Variants in KCNG2 observed in about 807,000 individuals in gnomAD.
KCNG2 encodes the protein potassium voltage-gated channel modifier subfamily G member 2, also known as voltage-gated potassium channel regulatory subunit KCNG2.
In KCNG2, 7 loss-of-function variants were observed where a neutral mutation model predicts 12.3. The observed-to-expected ratio is 0.57, with a 90% CI of 0.32 to 1.07. The LOEUF (loss-of-function observed/expected upper bound fraction) is 1.07, where lower values mean the gene tolerates loss of function less well. Among genes scored for constraint, KCNG2 ranks in the 50% least tolerant of loss-of-function variants. The pLI, the probability that KCNG2 is intolerant of heterozygous loss-of-function variation, is 0.04. For missense variants in KCNG2, 703 were observed against 726.0 expected (o/e 0.97, Z 0.36); for synonymous variants, 414 against 351.4 (o/e 1.18, Z -1.99).
At chr18:79,875,123 A>G (rs570931031) in intron 3 of KCNG2, among the ~76,000 whole-genome samples, 2 of 152,010 alleles carry the variant, frequency 1.3e-5, no homozygotes, top group Non-Finnish European at 2.9e-5. Flanking sequence ...AGAAACCACA[A>G]CCCCTTTTAA....
intron 1 of KCNG2, among the ~76,000 whole-genome samples, chr18:79,810,610 A>T (rs977730677): frequency 6.6e-6 from 1 of 152,260 alleles, no homozygotes; most frequent in South Asian, 2.1e-4. Flanking sequence ...TCTAAAAAAA[A>T]AGAATTAACC....
chr18:79,839,400 C>T (rs1306060590), intron 1 of KCNG2, among the ~76,000 whole-genome samples: 1 of 152,206 alleles, frequency 6.6e-6, no homozygotes, highest in Admixed American at 6.5e-5. Context: ...TAACTGCATA[C>T]CCTGTAGACA....
At chr18:79,798,171 C>G (rs1236035007) in intron 1 of KCNG2, among the ~76,000 whole-genome samples, 157 bp downstream of exon 1, 1 of 139,224 alleles carries the variant, frequency 7.2e-6, no homozygotes, top group Non-Finnish European at 1.5e-5. Context: ...GCGGGAGGGT[C>G]GAAGGGGACC....
chr18:79,804,665 C>T (rs1275533786), intron 1 of KCNG2, among the ~76,000 whole-genome samples: 3 of 152,180 alleles, frequency 2.0e-5, no homozygotes, highest in Non-Finnish European at 1.5e-5. Flanking sequence ...TCATTTCACA[C>T]CAAAGGGAAT....
chr18:79,846,489 CAGAA>C, intron 1 of KCNG2, among the ~76,000 whole-genome samples: 1 of 150,446 alleles, frequency 6.6e-6, no homozygotes, highest in East Asian at 2.0e-4. Flanking sequence ...ATATGTGTAT[CAGAA>C]AGAGATTACA....
At chr18:79,882,672 C>T (rs1980345066) in intron 3 of KCNG2, among the ~76,000 whole-genome samples, 2 of 152,276 alleles carry the variant, frequency 1.3e-5, no homozygotes, top group South Asian at 4.1e-4. Context: ...GAGCAGCAAG[C>T]TCAAAGGAGG....
chr18:79,898,946 G>A, intron 3 of KCNG2, 94 bp from the exon 4 acceptor site: 1 of 944,910 alleles, frequency 1.1e-6, no homozygotes, highest in South Asian at 1.8e-5. Context: ...AGGGTGGCCT[G>A]GGGGACGCCT....
At chr18:79,879,505 C>T (rs987919180) in intron 3 of KCNG2, among the ~76,000 whole-genome samples, 30 of 152,126 alleles carry the variant, frequency 2.0e-4, no homozygotes, top group South Asian at 2.1e-4. Context: ...AAAAAGGAAC[C>T]GAGGGTGAAG....
In KCNG2 at chr18:79,899,418, C is replaced by G; in HGVS notation, c.1003C>G (p.Leu335Val). ...GCTGTTCCTCTGCGTGGCCATGGCG[C>G]TCTTCGCGCCACTGGTGCACCTGGC... ...LLLFLCVAMA[L>V]FAPLVHLAER... Residue 335 changes from leucine (L) to valine (V), a missense_variant, in exon 4 of 4, where the codon CTC becomes GTC. Transcript: ENST00000316249. 1 of 1,587,772 alleles carries G rather than the reference C, an allele frequency of 6.3e-7. No homozygotes were observed.
At chr18:79,874,331 G>A (rs1979980677) in intron 3 of KCNG2, among the ~76,000 whole-genome samples, 1 of 152,250 alleles carries the variant, frequency 6.6e-6, no homozygotes, top group African/African-American at 2.4e-5. Flanking sequence ...ATCTCAGCAA[G>A]AGAGGTTCTG....
At chr18:79,872,287 T>TTTTTTG (rs1555695117) in intron 3 of KCNG2, among the ~76,000 whole-genome samples, 12 of 113,574 alleles carry the variant, frequency 1.1e-4, no homozygotes, top group South Asian at 7.1e-4. Flanking sequence ...TCAGTTTTTT[T>TTTTTTG]TTTTTTTTTT....
At chr18:79,866,119 G>A (rs918692869) in intron 3 of KCNG2, among the ~76,000 whole-genome samples, 1 of 147,004 alleles carries the variant, frequency 6.8e-6, no homozygotes, top group African/African-American at 2.6e-5. Flanking sequence ...GGTGCTGAGA[G>A]GTCTGTGTTC....
intron 3 of KCNG2, among the ~76,000 whole-genome samples, chr18:79,880,082 G>A (rs1270183221): frequency 6.6e-6 from 1 of 152,198 alleles, no homozygotes; most frequent in African/African-American, 2.4e-5. Context: ...AAAATGGGAT[G>A]TAACAATGTC....
At chr18:79,832,208 C>A (rs1456868476) in intron 1 of KCNG2, among the ~76,000 whole-genome samples, 1 of 150,576 alleles carries the variant, frequency 6.6e-6, no homozygotes, top group Admixed American at 6.6e-5. Flanking sequence ...CCTTCCTCAC[C>A]TGCCCTTCCT....
chr18:79,798,295 C>A (rs1459513441), intron 1 of KCNG2, among the ~76,000 whole-genome samples: 1 of 151,994 alleles, frequency 6.6e-6, no homozygotes, highest in African/African-American at 2.4e-5. Context: ...GGGCGTCGGG[C>A]CGGAGGCGCT....
At chr18:79,891,389 C>G (rs942947850) in intron 3 of KCNG2, among the ~76,000 whole-genome samples, 5 of 152,142 alleles carry the variant, frequency 3.3e-5, no homozygotes, top group Non-Finnish European at 7.4e-5. Flanking sequence ...AACCACCACA[C>G]CCAGCTAATT....
At chr18:79,895,824 G>A (rs963876723) in intron 3 of KCNG2, among the ~76,000 whole-genome samples, 4 of 152,340 alleles carry the variant, frequency 2.6e-5, no homozygotes, top group South Asian at 2.1e-4. Flanking sequence ...GATTGATATA[G>A]TTGGGTCTGT....
At chr18:79,866,760 G>A (rs1370528371) in intron 3 of KCNG2, among the ~76,000 whole-genome samples, 3 of 28,932 alleles carry the variant, frequency 1.0e-4, no homozygotes, top group Non-Finnish European at 4.0e-4. Context: ...GCTGAGGTCT[G>A]TGTTCTGAGA....
chr18:79,866,839 G>C (rs867720139), intron 3 of KCNG2, among the ~76,000 whole-genome samples: 2 of 48,542 alleles, frequency 4.1e-5, no homozygotes, highest in African/African-American at 9.2e-5. Flanking sequence ...TGTGTGCTGA[G>C]AGTGTGGGTG....
Sources: gnomAD v4.1 joint callset for allele counts (sites outside exome capture counted in the v4.1 genomes callset) on GRCh38, gnomAD v4.1.1 for gene constraint, MANE v1.5 for transcripts, NCBI Gene and HGNC (gene_info 2026-07-23, HGNC 2026-07-21) for gene names.